INTS1: variants seen among roughly 807,000 people sequenced by gnomAD.
INTS1 encodes integrator complex subunit 1.
A neutral mutation model predicts 241.6 loss-of-function variants in INTS1; 137 were observed. The ratio of observed to expected loss-of-function variants is 0.57; its 90% confidence interval spans 0.49 to 0.65. INTS1 has a LOEUF of 0.65. Ranked by LOEUF, INTS1 falls within the 30% of genes least tolerant of loss-of-function variation. The probability of loss-of-function intolerance (pLI) is 0.00; values close to 1 mark genes in which losing one functional copy is unlikely to be tolerated. For synonymous variants in INTS1, 1,692 were observed against 1,337.8 expected, an observed-to-expected ratio of 1.26 and a Z score of -5.78; for missense variants, 3,073 against 3,032.2, an observed-to-expected ratio of 1.01 and a Z score of -0.32.
rs757464215 is a variant in INTS1, at chr7:1,499,012, G to A, written c.1100C>T (p.Ala367Val). ...CAGCCACATCTCCAGCTTCTGCACCGCCAGCAGCCGCACCTCCTTATAGCC... is the reference window on the plus strand; with the variant it reads ...CAGCCACATCTCCAGCTTCTGCACCACCAGCAGCCGCACCTCCTTATAGCC... ...TCGYKEVRLLAVQKLEMWLQN... is the reference protein window; with the variant it reads ...TCGYKEVRLLVVQKLEMWLQN... The change falls in exon 8 of 48, where the codon GCG becomes GTG. Residue 367 changes from alanine (A) to valine (V), a missense_variant. By Grantham distance (64) the Ala-to-Val change is moderately conservative (BLOSUM62 0). Transcript: ENST00000404767. The A allele has an allele frequency of 1.5e-5, 20 of 1,334,976 alleles. No individual in the cohort carries two copies. Among genetic ancestry groups the A allele is most frequent in the Admixed American group, 1.2e-4 (5 of 40,232 alleles). 82.7% of individuals were successfully genotyped at this position (1,334,976 alleles called of 1,614,324 possible).
Position 1,482,647 on chromosome 7 carries a change from G to A in INTS1, c.3602C>T (p.Pro1201Leu). 1 of 1,612,842 alleles carries A rather than the reference G, an allele frequency of 6.2e-7. No individual in the cohort carries two copies. The highest frequency in any genetic ancestry group is 8.5e-7 in the Non-Finnish European group (1 of 1,179,858). ...CGATGTGTCCACCAGGAAGGCGGTG[G>A]GCAGTGGCTTCTCCTCCGGAAACCA... The part of the protein sequence containing the change: ...DIWFPEEKPL[P>L]TAFLVDTSEE... Residue 1201 changes from proline (P) to leucine (L), a missense_variant, in exon 27 of 48, where the codon CCC becomes CTC. By Grantham distance (98) the Pro-to-Leu change is moderately conservative. Transcript: ENST00000404767.
In INTS1 at chr7:1,476,915, TG is replaced by T; in HGVS notation, c.4941del (p.Gly1649ValfsTer13). On this transcript the variant is annotated frameshift_variant and splice_region_variant, in exon 36 of 48. Coordinates refer to ENST00000404767, the MANE Select transcript of INTS1 (RefSeq NM_001080453.3). LOFTEE classifies it high-confidence loss of function. ...AACGAGGGCACCTGGGCCTGACCTT[TG>T]CCCTGGGGAGGGAGGAAGAAGCCCG... is the stretch of plus-strand genomic sequence containing the variant. Reference protein sequence around the residue: ...QLRLLFSRRKGKGQAQVPSFR... With the variant: ...QLRLLFSRRKXKGQAQVPSFR... 6.2e-7 allele frequency: 1 copy of T among 1,610,338 alleles called. No homozygotes were observed. The highest frequency in any genetic ancestry group is 8.5e-7 in the Non-Finnish European group (1 of 1,179,300).
intron 18 of INTS1, 115 bp from the exon 19 acceptor site, chr7:1,488,072 C>T: frequency 8.9e-7 from 1 of 1,117,526 alleles, no homozygotes; most frequent in Non-Finnish European, 1.3e-6. Flanking sequence ...GCCTCTGCTG[C>T]ACAGCAGTCA....
intron 20 of INTS1, 89 bp from the exon 21 acceptor site, chr7:1,487,190 C>T (rs887419170): frequency 6.0e-6 from 9 of 1,506,302 alleles, no homozygotes; most frequent in Admixed American, 2.0e-5. Flanking sequence ...CCGGAAAGGG[C>T]GACACGCAGC....
At chr7:1,473,885 G>T (rs1168426105) in intron 41 of INTS1, among the ~76,000 whole-genome samples, 192 bp from the exon 42 acceptor site, 1 of 152,246 alleles carries the variant, frequency 6.6e-6, no homozygotes, top group Non-Finnish European at 1.5e-5. Flanking sequence ...GGCTGTCTGG[G>T]GCATGTGCCC....
chr7:1,498,965 G>A lies in INTS1; in HGVS notation c.1137+10C>T, dbSNP rs772861861. 11 of 1,364,056 alleles carry A rather than the reference G, an allele frequency of 8.1e-6. No individual in the cohort carries two copies. Among genetic ancestry groups the A allele is most frequent in the East Asian group, 5.3e-5 (2 of 37,992 alleles). 84.5% of individuals were successfully genotyped at this position (1,364,056 alleles called of 1,614,324 possible). The stretch of plus-strand genomic sequence containing the variant: ...CCTGCCCCGCCCACCCCCCCGGGGC[G>A]CCCCCGCACCTTGGGGTTCTGCAGC... On this transcript the variant is annotated intron_variant, in intron 8 of 47. Transcript: ENST00000404767.
Position 1,497,791 on chromosome 7 carries a change from C to G in INTS1, c.1426-477G>C, listed in dbSNP as rs1337958366. On this transcript the variant is annotated intron_variant, in intron 10 of 47. Transcript: ENST00000404767. This position sits in a 1 kb window ranked among gnomAD's most constrained non-coding sequence, Gnocchi z 5.3. ...GTGTTTCACACTCCATAGAGCCCAC[C>G]GGGAGGCCTAATGCGCTGGTGGCGA... is the stretch of plus-strand genomic sequence containing the variant. Among the ~76,000 whole-genome samples, 1 of 152,242 alleles carries G rather than the reference C, an allele frequency of 6.6e-6. No individual in the cohort carries two copies. Among genetic ancestry groups the G allele is most frequent in the Non-Finnish European group, 1.5e-5 (1 of 68,050 alleles).
Position 1,492,897 on chromosome 7 carries a change from C to T in INTS1, c.2165+113G>A, listed in dbSNP as rs547579525. 75 of 571,524 alleles carry T rather than the reference C, an allele frequency of 1.3e-4. 3 individuals are homozygous for T. The highest frequency in any genetic ancestry group is 7.1e-4 in the African/African-American group (29 of 40,688). The allele number at this position is 571,524 out of a possible 1,614,324, so 35.4% of individuals were successfully genotyped here. ...ACCCGGGCGGGAGTGGGGAGCGGGG[C>T]GCAGGCTTACCCGGGCGGGAGTGGG... On this transcript the variant is annotated intron_variant, in intron 16 of 47. Coordinates refer to ENST00000404767, the MANE Select transcript of INTS1 (RefSeq NM_001080453.3).
chr7:1,470,322 G>A lies in INTS1; in HGVS notation c.*255C>T, dbSNP rs935201808. 1 of 471,540 alleles carries A rather than the reference G, an allele frequency of 2.1e-6. No homozygotes were observed. The highest frequency in any genetic ancestry group is 3.7e-6 in the Non-Finnish European group (1 of 268,214). 29.2% of individuals were successfully genotyped at this position (471,540 alleles called of 1,614,324 possible). ...TCAAAACCAGCCCAGGCCATGCCCG[G>A]GGGGATCCGCCGCTCCGCGGCAGGG... On this transcript the variant is annotated 3_prime_UTR_variant, in exon 48 of 48. Transcript: ENST00000404767.
At chr7:1,473,474 T>C in intron 42 of INTS1, 92 bp downstream of exon 42, 2 of 1,453,900 alleles carry the variant, frequency 1.4e-6, no homozygotes, top group Non-Finnish European at 1.9e-6. Flanking sequence ...GCAGCATATC[T>C]GACACGACAC....
chr7:1,478,799 C>A lies in INTS1; in HGVS notation c.4416G>T (p.Val1472=), dbSNP rs748698016. ...GCTGTGCCCGCAGGGGCCCGCCCTC[C>A]ACGCCAGGGCTGTCCAGCCACTGCA... The part of the protein sequence containing the change: ...QMLQWLDSPG[V]EGGPLRAQLR... Residue 1472 remains valine, a synonymous_variant, in exon 32 of 48, where the codon GTG becomes GTT. Transcript: ENST00000404767. The A allele has an allele frequency of 1.2e-6, 2 of 1,606,724 alleles. No homozygotes were observed. Among genetic ancestry groups the A allele is most frequent in the Non-Finnish European group, 1.7e-6 (2 of 1,177,498 alleles).
chr7:1,489,433 C>A (rs1484961274), intron 17 of INTS1, 29 bp from the exon 18 acceptor site: 1 of 1,061,384 alleles, frequency 9.4e-7, no homozygotes, highest in Non-Finnish European at 1.1e-6. Flanking sequence ...TGGGGCTGGC[C>A]AGGCTCCCCT....
At position 1,470,970 on chromosome 7, in the gene INTS1, C is replaced by T. The variant is rs1402655024; in HGVS notation, c.6348-15G>A. 1.9e-6 allele frequency: 3 copies of T among 1,548,158 alleles called. No individual in the cohort carries two copies. The highest frequency in any genetic ancestry group is 2.0e-5 in the Admixed American group (1 of 51,218). ...CGGCTGCAATGCTGAAAGACCCACA[C>T]ACTTCAGTGGGAACCTCCACCCTGT... On this transcript the variant is annotated splice_polypyrimidine_tract_variant and intron_variant, in intron 46 of 47. Coordinates refer to ENST00000404767, the MANE Select transcript of INTS1 (RefSeq NM_001080453.3).
intron 33 of INTS1, 132 bp from the exon 34 acceptor site, chr7:1,478,068 A>G (rs1781807729): frequency 1.0e-5 from 8 of 793,552 alleles, no homozygotes; most frequent in East Asian, 2.6e-5. Context: ...AGCCGGAGCC[A>G]GAGAGGAGAG....
intron 22 of INTS1, among the ~76,000 whole-genome samples, 170 bp downstream of exon 22, chr7:1,486,455 G>A (rs1782270950): frequency 1.3e-5 from 2 of 151,610 alleles, no homozygotes; most frequent in South Asian, 2.1e-4. Context: ...AATAGAGACG[G>A]GATTTCACCA....
intron 19 of INTS1, 25 bp from the exon 20 acceptor site, chr7:1,487,474 C>T (rs761861109): frequency 6.9e-6 from 11 of 1,605,304 alleles, no homozygotes; most frequent in African/African-American, 4.0e-5. Context: ...GGACACGGTG[C>T]GTCAGCACGC....
At position 1,481,236 on chromosome 7, in the gene INTS1, C is replaced by T. The variant is rs373719112; in HGVS notation, c.3850+106G>A. ...GCCCTCGAGTGCCACCCACACCCACCCGACCTCGGATCACCCACCCGCTCG... is the reference window on the plus strand; with the variant it reads ...GCCCTCGAGTGCCACCCACACCCACTCGACCTCGGATCACCCACCCGCTCG... On this transcript the variant is annotated intron_variant, in intron 28 of 47. Transcript: ENST00000404767. The surrounding 1 kb of genome is among the most constrained non-coding windows in gnomAD (Gnocchi z 6.8). 8.1e-5 allele frequency: 107 copies of T among 1,327,312 alleles called. No homozygotes were observed. The African/African-American group carries it at 1.5e-3, about 19-fold the overall frequency. The allele number at this position is 1,327,312 out of a possible 1,614,324, so 82.2% of individuals were successfully genotyped here.
chr7:1,489,580 C>T lies in INTS1; in HGVS notation c.2257+11G>A, dbSNP rs780263558. ...CCACGTGTGCGCATGGGGCGGCCAG[C>T]AGAGGCTCACCGATGTTCTCTGGGT... On this transcript the variant is annotated intron_variant, in intron 17 of 47. Transcript: ENST00000404767. 45 of 1,569,048 alleles carry T rather than the reference C, an allele frequency of 2.9e-5. No individual in the cohort carries two copies. The highest frequency in any genetic ancestry group is 3.7e-5 in the Non-Finnish European group (43 of 1,155,800).
At chr7:1,472,958 A>AC in intron 43 of INTS1, 114 bp downstream of exon 43, 1 of 640,296 alleles carries the variant, frequency 1.6e-6, no homozygotes, top group Non-Finnish European at 2.6e-6. Context: ...CCAGGCTCAC[A>AC]CAGCCCCCAT....
Sources: gnomAD v4.1 joint callset for allele counts (sites outside exome capture counted in the v4.1 genomes callset) on GRCh38, gnomAD v4.1.1 for gene constraint, Gnocchi (gnomAD v3.1) non-coding constraint, MANE v1.5 for transcripts, NCBI Gene and HGNC (gene_info 2026-07-23, HGNC 2026-07-21) for gene names.